TTLL11: variants seen among roughly 807,000 people sequenced by gnomAD.
TTLL11 encodes the protein tubulin polyglutamylase TTLL11.
A neutral mutation model predicts 51.7 loss-of-function variants in TTLL11; 42 were observed. That is an observed-to-expected ratio of 0.81 (90% CI 0.64 to 1.05). The LOEUF is 1.05. Among genes scored for constraint, TTLL11 ranks in the 50% least tolerant of loss-of-function variants. The pLI is 0.00. For synonymous variants in TTLL11, 381 were observed against 383.5 expected (o/e 0.99, Z 0.08); for missense variants, 799 against 940.4 (o/e 0.85, Z 1.97).
intron 2 of TTLL11, among the ~76,000 whole-genome samples, chr9:122,035,937 G>A (rs541775846): frequency 2.0e-5 from 3 of 152,136 alleles, no homozygotes; most frequent in Admixed American, 6.5e-5. Context: ...CTTGCCCTTC[G>A]ATGAACGAGT....
chr9:121,894,005 G>C (rs1307160035), intron 6 of TTLL11, among the ~76,000 whole-genome samples: 1 of 152,200 alleles, frequency 6.6e-6, no homozygotes, highest in Non-Finnish European at 1.5e-5. Context: ...TGGGGAGGAA[G>C]TAATGAGCAC....
rs1326875013 is a variant in TTLL11 at position 121,890,575 on chromosome 9, T to A, written c.1482-19827A>T. 6.6e-6 allele frequency among the ~76,000 whole-genome samples: 1 copy of A among 152,196 alleles called. No homozygotes were observed. Among genetic ancestry groups the A allele is most frequent in the Admixed American group, 6.5e-5 (1 of 15,272 alleles). On this transcript the variant is annotated intron_variant, in intron 6 of 8. Coordinates refer to ENST00000321582, the MANE Select transcript of TTLL11 (RefSeq NM_001139442.2). This position sits in a 1 kb window ranked among gnomAD's most constrained non-coding sequence, Gnocchi z 4.3. The stretch of plus-strand genomic sequence containing the variant: ...CCCTCCAGAGCTCTCCCTGCTTCAT[T>A]TTCTCCATAGCGCTCATCACCACTC...
At chr9:121,834,606 ATCACAAGGTCAGAAGT>A (rs2119130803) in intron 8 of TTLL11, among the ~76,000 whole-genome samples, 1 of 152,148 alleles carries the variant, frequency 6.6e-6, no homozygotes, top group East Asian at 1.9e-4. Context: ...AAGCAGGTAG[ATCACAAGGTCAGAAGT>A]TCGAGACCAG....
At chr9:122,020,935 T>C (rs1040954027) in intron 3 of TTLL11, among the ~76,000 whole-genome samples, 5 of 152,252 alleles carry the variant, frequency 3.3e-5, no homozygotes, top group Non-Finnish European at 7.3e-5. Context: ...TATTCAATTG[T>C]AGCAGCCCAA....
intron 6 of TTLL11, among the ~76,000 whole-genome samples, chr9:121,897,638 ACACG>A (rs1839580340): frequency 1.1e-4 from 14 of 123,392 alleles, no homozygotes; most frequent in Non-Finnish European, 1.8e-5. Flanking sequence ...ACACACACAC[ACACG>A]CGCGCGCGAA....
chr9:121,948,348 T>C (rs1273076994), intron 6 of TTLL11, among the ~76,000 whole-genome samples: 2 of 152,214 alleles, frequency 1.3e-5, no homozygotes, highest in Non-Finnish European at 2.9e-5. Context: ...TATTCAGTAG[T>C]TACCAGAAAA....
At chr9:122,023,892 C>G (rs1844255511) in intron 3 of TTLL11, among the ~76,000 whole-genome samples, 1 of 152,068 alleles carries the variant, frequency 6.6e-6, no homozygotes, top group Non-Finnish European at 1.5e-5. Context: ...CCCCTAAGAT[C>G]AGGAAAAAGT....
At chr9:121,826,217 T>TACAC (rs1491163835) in intron 8 of TTLL11, among the ~76,000 whole-genome samples, 881 of 58,066 alleles carry the variant, frequency 0.015, 71 homozygotes, top group African/African-American at 0.055. Flanking sequence ...TATATATATA[T>TACAC]GCACACATAT....
intron 8 of TTLL11, among the ~76,000 whole-genome samples, chr9:121,843,286 G>A (rs1447824695): frequency 1.3e-5 from 2 of 152,114 alleles, no homozygotes; most frequent in Non-Finnish European, 2.9e-5. Flanking sequence ...TGAGGTCACA[G>A]GACAAGCCAC....
At chr9:121,948,026 G>T (rs1206183870) in intron 6 of TTLL11, among the ~76,000 whole-genome samples, 3 of 152,214 alleles carry the variant, frequency 2.0e-5, no homozygotes, top group Admixed American at 6.5e-5. Context: ...CACTGAGCTA[G>T]ACACTCTCAG....
chr9:121,975,586 T>C (rs7026372), intron 4 of TTLL11, among the ~76,000 whole-genome samples: 35,541 of 151,906 alleles, frequency 0.23, 5,034 homozygotes, highest in African/African-American at 0.39. Context: ...GTGGCGCGAA[T>C]CTGTAATCCC....
chr9:122,031,443 TG>T (rs911906858), intron 3 of TTLL11, among the ~76,000 whole-genome samples: 1 of 152,198 alleles, frequency 6.6e-6, no homozygotes, highest in African/African-American at 2.4e-5. Context: ...TCCAGCTCCC[TG>T]GCTCCCCAGC....
intron 4 of TTLL11, among the ~76,000 whole-genome samples, chr9:121,976,630 GCA>G (rs1842719361): frequency 6.6e-6 from 1 of 152,146 alleles, no homozygotes; most frequent in Non-Finnish European, 1.5e-5. Context: ...TATAGAATAT[GCA>G]TTAGTTAAAT....
intron 3 of TTLL11, among the ~76,000 whole-genome samples, chr9:121,997,231 T>G (rs1030034547): frequency 1.7e-4 from 3 of 17,492 alleles, no homozygotes; most frequent in Non-Finnish European, 4.9e-4. Flanking sequence ...GAAACCTGTT[T>G]GATAGGAAGG....
intron 3 of TTLL11, among the ~76,000 whole-genome samples, chr9:122,015,674 A>G (rs1843942249): frequency 1.3e-5 from 2 of 151,910 alleles, no homozygotes; most frequent in Middle Eastern, 3.4e-3. Context: ...TGGCGCTCCC[A>G]CCGGACGGCA....
intron 8 of TTLL11, among the ~76,000 whole-genome samples, chr9:121,837,807 A>G (rs1011317158): frequency 6.6e-6 from 1 of 152,058 alleles, no homozygotes; most frequent in African/African-American, 2.4e-5. Context: ...CTCACGCCAA[A>G]CGCCTGGGTA....
intron 6 of TTLL11, among the ~76,000 whole-genome samples, chr9:121,916,449 CT>C (rs1840331023): frequency 6.6e-6 from 1 of 151,946 alleles, no homozygotes; most frequent in Non-Finnish European, 1.5e-5. Flanking sequence ...AATCTATAGA[CT>C]TTAGAAATTG....
In TTLL11 at chr9:121,937,184, A is replaced by C. The variant is rs1438241753; in HGVS notation, c.1481+36825T>G. Among the ~76,000 whole-genome samples, 4 of 152,158 alleles carry C rather than the reference A, an allele frequency of 2.6e-5. No individual in the cohort carries two copies. In the East Asian group the frequency reaches 5.8e-4, roughly 22 times the overall value. ...AGTGGTAACAATAATCTATCTCGTA[A>C]AGCAATTGTGAGGATTAAGTGGAAA... On this transcript the variant is annotated intron_variant, in intron 6 of 8. Coordinates refer to ENST00000321582, the MANE Select transcript of TTLL11 (RefSeq NM_001139442.2).
At position 121,887,675 on chromosome 9, in the gene TTLL11, C is replaced by T. The variant is rs148421863; in HGVS notation, c.1482-16927G>A. 4.3e-4 allele frequency among the ~76,000 whole-genome samples: 65 copies of T among 152,280 alleles called. No homozygotes were observed. The East Asian group carries it at 0.011, about 25-fold the overall frequency. The stretch of plus-strand genomic sequence containing the variant: ...GAGACGGCCAGAAGGCCGACCACAG[C>T]GAGGAGAGCTGGGACACTTTCCCAC... On this transcript the variant is annotated intron_variant, in intron 6 of 8. Coordinates refer to ENST00000321582, the MANE Select transcript of TTLL11 (RefSeq NM_001139442.2).
Sources: allele counts gnomAD v4.1 joint callset (sites outside exome capture counted in the v4.1 genomes callset), GRCh38; gene constraint gnomAD v4.1.1; non-coding constraint Gnocchi (gnomAD v3.1); transcripts MANE v1.5; gene names NCBI Gene and HGNC (gene_info 2026-07-23, HGNC 2026-07-21).